TMEM200A: variants seen among roughly 807,000 people sequenced by gnomAD.
TMEM200A encodes the protein transmembrane protein 200A.
A neutral mutation model predicts 24.3 loss-of-function variants in TMEM200A; 12 were observed. The ratio of observed to expected loss-of-function variants is 0.49; its 90% confidence interval spans 0.32 to 0.80. The LOEUF is 0.80. TMEM200A is among the 30% of genes least tolerant of loss of function. TMEM200A has a pLI of 0.04. For missense variants in TMEM200A, 545 were observed against 614.4 expected (o/e 0.89, Z 1.19); for synonymous variants, 224 against 224.4 (o/e 1.00, Z 0.02).
intron 2 of TMEM200A, among the ~76,000 whole-genome samples, chr6:130,422,496 A>AC (rs1779620696): frequency 6.6e-6 from 1 of 152,058 alleles, no homozygotes; most frequent in East Asian, 1.9e-4. Context: ...TGAACTCCCT[A>AC]CCTCAAGTGA....
Position 130,366,595 on chromosome 6 carries a change from A to G in TMEM200A, c.-81+71A>G, listed in dbSNP as rs955646478. Reference sequence around the variant, plus strand: ...GCGGCCACCGCAGCCGAAACCGGGCACTTCTTCAGCCCTCTGCCCTCCCCT... The same window carrying G: ...GCGGCCACCGCAGCCGAAACCGGGCGCTTCTTCAGCCCTCTGCCCTCCCCT... On this transcript the variant is annotated intron_variant, in intron 1 of 2. Transcript: ENST00000296978. The surrounding 1 kb of genome is among the most constrained non-coding windows in gnomAD (Gnocchi z 4.4). 45 of 985,158 alleles carry G rather than the reference A, an allele frequency of 4.6e-5. 1 individual carries two copies. The Admixed American group carries it at 2.6e-3, about 56-fold the overall frequency. 61.0% of individuals were successfully genotyped at this position (985,158 alleles called of 1,614,324 possible). A position where few individuals can be genotyped will look rare whatever the true frequency, so the allele number is the denominator to read the frequency against.
Position 130,440,978 on chromosome 6 carries a change from A to T in TMEM200A, c.556A>T (p.Thr186Ser), listed in dbSNP as rs746134252. 1 of 1,614,118 alleles carries T rather than the reference A, an allele frequency of 6.2e-7. No individual in the cohort carries two copies. The highest frequency in any genetic ancestry group is 1.7e-5 in the Admixed American group (1 of 60,028). The change falls in exon 3 of 3, where the codon ACT becomes TCT. Residue 186 changes from threonine (T) to serine (S), a missense_variant. Physicochemically the swap from Thr to Ser is moderately conservative, Grantham distance 58. Transcript: ENST00000296978. ...KEQRQMNGMY[T>S]GLMGETEVKQ... The stretch of plus-strand genomic sequence containing the variant: ...GCAAAGGCAAATGAACGGCATGTAC[A>T]CTGGTTTGATGGGAGAAACAGAAGT...
chr6:130,416,327 GTC>G (rs140554338), intron 2 of TMEM200A, among the ~76,000 whole-genome samples: 7 of 133,066 alleles, frequency 5.3e-5, no homozygotes, highest in African/African-American at 1.4e-4. Context: ...CTCTCTCTCT[GTC>G]TCTCTCTCTG....
At chr6:130,434,369 G>A (rs1779949767) in intron 2 of TMEM200A, among the ~76,000 whole-genome samples, 1 of 152,156 alleles carries the variant, frequency 6.6e-6, no homozygotes, top group African/African-American at 2.4e-5. Context: ...CCTTTAGATG[G>A]CTAAAAGGAA....
At chr6:130,389,636 T>C (rs1778790271) in intron 2 of TMEM200A, among the ~76,000 whole-genome samples, 1 of 151,954 alleles carries the variant, frequency 6.6e-6, no homozygotes, top group South Asian at 2.1e-4. Context: ...GGCCAGATTT[T>C]AACACCAATA....
intron 2 of TMEM200A, among the ~76,000 whole-genome samples, chr6:130,426,640 A>C (rs1315502207): frequency 1.3e-5 from 2 of 152,138 alleles, no homozygotes; most frequent in Non-Finnish European, 1.5e-5. Context: ...ATGAGTTGGC[A>C]TGAAGGTAGG....
chr6:130,366,356 G>A lies in TMEM200A; in HGVS notation c.-249G>A, dbSNP rs1778145399. The A allele has an allele frequency of 1.0e-6, 1 of 985,232 alleles. No individual in the cohort carries two copies. Among genetic ancestry groups the A allele is most frequent in the African/African-American group, 1.7e-5 (1 of 57,218 alleles). The allele number at this position is 985,232 out of a possible 1,614,324, so 61.0% of individuals were successfully genotyped here. A position where few individuals can be genotyped will look rare whatever the true frequency, so the allele number is the denominator to read the frequency against. ...GCCGCCCGAGCCCTGGGATGGGGAGGGAGACCGCGGCTGCCCGCGGCGGCC... is the reference window on the plus strand; with the variant it reads ...GCCGCCCGAGCCCTGGGATGGGGAGAGAGACCGCGGCTGCCCGCGGCGGCC... On this transcript the variant is annotated 5_prime_UTR_variant, in exon 1 of 3. Coordinates refer to ENST00000296978, the MANE Select transcript of TMEM200A (RefSeq NM_001258277.2). The surrounding 1 kb of genome is among the most constrained non-coding windows in gnomAD (Gnocchi z 4.4).
In TMEM200A at chr6:130,421,481, T is replaced by C. The variant is rs553065541; in HGVS notation, c.-16-18926T>C. Reference sequence around the variant, plus strand: ...AAACTGATTACTATAGTCAAGCTAATTAACACATCCATTCCTTCACAGTTA... The same window carrying C: ...AAACTGATTACTATAGTCAAGCTAACTAACACATCCATTCCTTCACAGTTA... On this transcript the variant is annotated intron_variant, in intron 2 of 2. Transcript: ENST00000296978. The C allele has an allele frequency of 5.0e-5, 6 of 119,530 alleles. No individual in the cohort carries two copies. The South Asian group carries it at 1.5e-3, about 30-fold the overall frequency. 7.4% of individuals were successfully genotyped at this position (119,530 alleles called of 1,614,324 possible).
intron 2 of TMEM200A, among the ~76,000 whole-genome samples, chr6:130,440,140 C>T (rs1167830069): frequency 6.6e-6 from 1 of 151,912 alleles, no homozygotes; most frequent in Non-Finnish European, 1.5e-5. Flanking sequence ...ATTCCTTGAG[C>T]TCACATTTAA....
At chr6:130,381,675 GGAT>G (rs528456495) in intron 1 of TMEM200A, among the ~76,000 whole-genome samples, 1 of 152,220 alleles carries the variant, frequency 6.6e-6, no homozygotes, top group African/African-American at 2.4e-5. Context: ...CATACAGACA[GGAT>G]GATATTGTAC....
intron 2 of TMEM200A, among the ~76,000 whole-genome samples, chr6:130,426,593 A>C (rs997877260): frequency 6.6e-6 from 1 of 152,040 alleles, no homozygotes; most frequent in Non-Finnish European, 1.5e-5. Context: ...CCATCTGTGA[A>C]TCAAAGTTGT....
chr6:130,365,996 T>C (rs531276071), upstream of TMEM200A: 5,516 of 984,414 alleles, frequency 5.6e-3, 14 homozygotes, highest in Non-Finnish European at 6.3e-3. Context: ...CTTTATGGCG[T>C]GAGGTTTGGG....
intron 2 of TMEM200A, among the ~76,000 whole-genome samples, chr6:130,426,164 A>G (rs1311000410): frequency 6.6e-6 from 1 of 152,150 alleles, no homozygotes; most frequent in African/African-American, 2.4e-5. Context: ...TTGAGAGTAG[A>G]CAGGGAAAAG....
intron 2 of TMEM200A, among the ~76,000 whole-genome samples, chr6:130,410,726 T>C (rs971756297): frequency 5.9e-5 from 9 of 152,208 alleles, no homozygotes; most frequent in African/African-American, 1.7e-4. Context: ...AATGAACTTA[T>C]GTTTTAATTC....
chr6:130,390,833 C>T (rs1260889543), intron 2 of TMEM200A, among the ~76,000 whole-genome samples: 3 of 152,190 alleles, frequency 2.0e-5, no homozygotes, highest in Non-Finnish European at 4.4e-5. Flanking sequence ...TTGTTCACTG[C>T]TCTGCTCTCT....
chr6:130,372,821 G>A (rs1278539823), intron 1 of TMEM200A, among the ~76,000 whole-genome samples: 1 of 152,144 alleles, frequency 6.6e-6, no homozygotes, highest in African/African-American at 2.4e-5. Flanking sequence ...AAAAATAGAA[G>A]TATTTATGAG....
chr6:130,375,127 A>G (rs1278439502), intron 1 of TMEM200A, among the ~76,000 whole-genome samples: 5 of 152,234 alleles, frequency 3.3e-5, no homozygotes, highest in African/African-American at 4.8e-5. Context: ...CTATTGTAAT[A>G]ACTCTATTCT....
Position 130,440,436 on chromosome 6 carries a change from G to C in TMEM200A, c.14G>C (p.Gly5Ala), listed in dbSNP as rs1357386195. The C allele has an allele frequency of 6.4e-7, 1 of 1,572,300 alleles. No homozygotes were observed. The highest frequency in any genetic ancestry group is 1.9e-5 in the Admixed American group (1 of 51,334). Residue 5 changes from glycine to alanine, a missense_variant, in exon 3 of 3, where the codon GGT becomes GCT. By Grantham distance (60) the Gly-to-Ala change is moderately conservative. Transcript: ENST00000296978. ...AAAGGCCAAGCTATGATAGCAACTG[G>C]TGGAGTGATAACTGGCCTGGCCGCC... MIATGGVITGLAALK... is the reference protein window; with the variant it reads MIATAGVITGLAALK...
chr6:130,386,380 T>C (rs1489835096), intron 2 of TMEM200A, among the ~76,000 whole-genome samples: 1 of 152,202 alleles, frequency 6.6e-6, no homozygotes, highest in African/African-American at 2.4e-5. Context: ...ATTCTGCTTG[T>C]CAGAGCCAAC....
Sources: allele counts gnomAD v4.1 joint callset (sites outside exome capture counted in the v4.1 genomes callset), GRCh38; gene constraint gnomAD v4.1.1; non-coding constraint Gnocchi (gnomAD v3.1); transcripts MANE v1.5; gene names NCBI Gene and HGNC (gene_info 2026-07-23, HGNC 2026-07-21).